Variants in AFG2A observed in about 807,000 individuals in gnomAD.
AFG2A encodes ATPase family gene 2 protein homolog A.
At chr4:123,034,738 T>G in the AFG2A span, among the ~76,000 whole-genome samples, 2 of 152,168 alleles carry the variant, frequency 1.3e-5, no homozygotes. Context: ...GGTGGGCATA[T>G]GCGAGCTGTT....
chr4:123,058,521 A>T, the AFG2A span, among the ~76,000 whole-genome samples: 2 of 152,186 alleles, frequency 1.3e-5, no homozygotes, highest in Non-Finnish European at 2.9e-5. Flanking sequence ...GCTACTTGGG[A>T]GGCTGAGGCA....
chr4:123,042,432 A>G, the AFG2A span, among the ~76,000 whole-genome samples: 1,843 of 152,070 alleles, frequency 0.012, 43 homozygotes, highest in African/African-American at 0.041. Context: ...ATTACTTCCC[A>G]AGGGCCCTGT....
the AFG2A span, among the ~76,000 whole-genome samples, chr4:123,295,450 G>A: frequency 3.3e-5 from 5 of 152,340 alleles, no homozygotes; most frequent in South Asian, 2.1e-4. Flanking sequence ...ACTGAAAACA[G>A]CTCAAATATC....
the AFG2A span, among the ~76,000 whole-genome samples, chr4:122,956,076 G>A: frequency 2.0e-5 from 3 of 152,190 alleles, no homozygotes; most frequent in Non-Finnish European, 4.4e-5. Flanking sequence ...TACATTTTAT[G>A]CACTCTAGAA....
the AFG2A span, among the ~76,000 whole-genome samples, chr4:123,249,840 A>G: frequency 2.6e-5 from 4 of 152,174 alleles, no homozygotes; most frequent in Non-Finnish European, 4.4e-5. Context: ...AGCCAGGTCT[A>G]TGCATTAGTT....
chr4:123,311,315 C>T, the AFG2A span, among the ~76,000 whole-genome samples: 119,826 of 152,018 alleles, frequency 0.79, 47,958 homozygotes, highest in Non-Finnish European at 0.86. Context: ...AAAACAACAA[C>T]TTATAGCTCA....
the AFG2A span, among the ~76,000 whole-genome samples, chr4:123,089,776 CG>C: frequency 9.2e-5 from 14 of 152,044 alleles, no homozygotes; most frequent in African/African-American, 3.4e-4. Flanking sequence ...TTAGTAGAGA[CG>C]GGGTTTCGCC....
At chr4:123,261,668 T>C in the AFG2A span, among the ~76,000 whole-genome samples, 1 of 152,298 alleles carries the variant, frequency 6.6e-6, no homozygotes. Context: ...CCTACTGAAA[T>C]AACTACTTTG....
At chr4:123,117,959 G>A in the AFG2A span, among the ~76,000 whole-genome samples, 57 of 152,086 alleles carry the variant, frequency 3.7e-4, no homozygotes, top group African/African-American at 1.3e-3. Context: ...AAACTGCAAA[G>A]TTTGATCATC....
chr4:123,021,580 A>G, the AFG2A span, among the ~76,000 whole-genome samples: 2 of 152,246 alleles, frequency 1.3e-5, no homozygotes, highest in Non-Finnish European at 1.5e-5. Context: ...GAGAACTTCC[A>G]TAATAAATAA....
At chr4:123,232,388 C>G in the AFG2A span, among the ~76,000 whole-genome samples, 1 of 151,866 alleles carries the variant, frequency 6.6e-6, no homozygotes, top group African/African-American at 2.4e-5. Context: ...GTGTCAGAAG[C>G]CAAAAGCGAA....
the AFG2A span, among the ~76,000 whole-genome samples, chr4:123,247,455 C>T: frequency 1.1e-4 from 16 of 152,244 alleles, no homozygotes; most frequent in African/African-American, 3.6e-4. Context: ...GACAGGGTCT[C>T]ACCCTGTCAC....
chr4:123,267,984 C>G, the AFG2A span, among the ~76,000 whole-genome samples: 1 of 151,932 alleles, frequency 6.6e-6, no homozygotes. Context: ...ATAAGCTAAT[C>G]ACCCATGAAG....
At chr4:123,007,619 T>TACACACACACACACAA in the AFG2A span, among the ~76,000 whole-genome samples, 1 of 46,800 alleles carries the variant, frequency 2.1e-5, no homozygotes, top group Non-Finnish European at 4.1e-5. Context: ...TATATATATA[T>TACACACACACACACAA]ATATATATAT....
the AFG2A span, among the ~76,000 whole-genome samples, chr4:123,308,696 G>A: frequency 3.3e-5 from 5 of 152,192 alleles, no homozygotes; most frequent in African/African-American, 1.2e-4. Context: ...GTTGGGGACT[G>A]CTTATCTAGA....
At chr4:123,164,311 C>T in the AFG2A span, among the ~76,000 whole-genome samples, 1 of 152,064 alleles carries the variant, frequency 6.6e-6, no homozygotes, top group Admixed American at 6.6e-5. Context: ...CTTACTTTCC[C>T]AATAGAAATT....
chr4:122,927,588 C>T, the AFG2A span: 8 of 1,566,570 alleles, frequency 5.1e-6, no homozygotes, highest in South Asian at 5.8e-5. Flanking sequence ...CATGCCTTAA[C>T]TTCTGTTACA....
chr4:123,016,613 G>A, the AFG2A span, among the ~76,000 whole-genome samples: 2 of 151,510 alleles, frequency 1.3e-5, no homozygotes, highest in African/African-American at 2.4e-5. Context: ...TGGCGGCCGG[G>A]CAGAGACGCT....
At chr4:123,000,699 G>A in the AFG2A span, among the ~76,000 whole-genome samples, 1 of 86,752 alleles carries the variant, frequency 1.2e-5, no homozygotes, top group Non-Finnish European at 2.8e-5. Context: ...TGCTGGATTC[G>A]GTTTGCCAGT....
Sources: gnomAD v4.1 joint callset for allele counts (sites outside exome capture counted in the v4.1 genomes callset) on GRCh38, gnomAD v4.1.1 for gene constraint, MANE v1.5 for transcripts, NCBI Gene and HGNC (gene_info 2026-07-23, HGNC 2026-07-21) for gene names.